CELF2: variants seen among roughly 807,000 people sequenced by gnomAD.
CELF2 encodes CUGBP Elav-like family member 2.
A neutral mutation model predicts 62.6 loss-of-function variants in CELF2; 8 were observed. The observed-to-expected ratio is 0.13, with a 90% CI of 0.07 to 0.23. The LOEUF (loss-of-function observed/expected upper bound fraction) is 0.23, where lower values mean the gene tolerates loss of function less well. Among genes scored for constraint, CELF2 ranks in the 10% least tolerant of loss-of-function variants. The probability of loss-of-function intolerance (pLI) is 1.00; values close to 1 mark genes in which losing one functional copy is unlikely to be tolerated. For missense variants in CELF2, 333 were observed against 671.0 expected (o/e 0.50, Z 5.56); for synonymous variants, 258 against 250.0 (o/e 1.03, Z -0.30).
chr10:10,557,387 A>G, the CELF2 span, among the ~76,000 whole-genome samples: 1 of 150,568 alleles, frequency 6.6e-6, no homozygotes, highest in South Asian at 2.1e-4. Flanking sequence ...TGTTCCATTG[A>G]TCTATATCTC....
intron 1 of CELF2, among the ~76,000 whole-genome samples, chr10:10,841,227 A>G (rs969356365): frequency 2.0e-5 from 3 of 152,092 alleles, no homozygotes; most frequent in African/African-American, 4.8e-5. Flanking sequence ...TGCTGGGTCA[A>G]ATGGTATTTC....
chr10:10,710,585 C>G, the CELF2 span, among the ~76,000 whole-genome samples: 1 of 152,084 alleles, frequency 6.6e-6, no homozygotes. Context: ...AATCAATTGC[C>G]CTGGCTACCT....
chr10:11,206,240 T>G (rs1287247113), intron 2 of CELF2, among the ~76,000 whole-genome samples: 10 of 152,144 alleles, frequency 6.6e-5, no homozygotes, highest in Admixed American at 6.5e-4. Context: ...AAGTGGAGAC[T>G]TGAGAGATCG....
chr10:11,132,950 T>C (rs963451527), intron 1 of CELF2, among the ~76,000 whole-genome samples: 1 of 152,192 alleles, frequency 6.6e-6, no homozygotes, highest in East Asian at 1.9e-4. Context: ...TGGTGATCTG[T>C]ATCAGAAGCT....
intron 1 of CELF2, among the ~76,000 whole-genome samples, chr10:10,815,256 C>A (rs985462453): frequency 1.3e-5 from 2 of 152,156 alleles, no homozygotes; most frequent in Non-Finnish European, 2.9e-5. Flanking sequence ...CCTTGTACAG[C>A]AAGAGGTAGA....
At chr10:10,677,604 G>A in the CELF2 span, among the ~76,000 whole-genome samples, 22 of 152,284 alleles carry the variant, frequency 1.4e-4, no homozygotes, top group Non-Finnish European at 7.4e-5. Context: ...GTCAACACAC[G>A]TTAAGATTTG....
chr10:10,899,605 T>C (rs2062795445), intron 1 of CELF2, among the ~76,000 whole-genome samples: 2 of 152,342 alleles, frequency 1.3e-5, no homozygotes, highest in East Asian at 1.9e-4. Context: ...ACTGTACTAG[T>C]CCGTTCTCGC....
the CELF2 span, among the ~76,000 whole-genome samples, chr10:10,652,652 C>T: frequency 8.6e-5 from 13 of 151,868 alleles, no homozygotes; most frequent in Non-Finnish European, 1.3e-4. Context: ...AAATAAAATA[C>T]TTCACAGACA....
chr10:10,585,644 C>T, the CELF2 span, among the ~76,000 whole-genome samples: 14 of 152,296 alleles, frequency 9.2e-5, no homozygotes, highest in African/African-American at 3.4e-4. Context: ...TTTGATTACG[C>T]TCCCTTTGTC....
At chr10:10,922,759 C>G (rs2134770819) in intron 2 of CELF2, 1 of 152,186 alleles carries the variant, frequency 6.6e-6, no homozygotes, top group East Asian at 1.9e-4. Flanking sequence ...CATTCCCATT[C>G]TAACTGCAAT....
chr10:10,973,788 G>A (rs542412610), intron 2 of CELF2, among the ~76,000 whole-genome samples: 2 of 152,114 alleles, frequency 1.3e-5, no homozygotes, highest in East Asian at 1.9e-4. Context: ...GGCTGGTCTC[G>A]AACTTCTGCG....
chr10:11,040,111 A>C (rs1033419766), intron 1 of CELF2, among the ~76,000 whole-genome samples: 2 of 152,144 alleles, frequency 1.3e-5, no homozygotes, highest in Admixed American at 1.3e-4. Flanking sequence ...ATGATTGTTG[A>C]TAAGGGAAGG....
At chr10:11,245,634 G>C (rs2137109531) in intron 3 of CELF2, among the ~76,000 whole-genome samples, 1 of 152,348 alleles carries the variant, frequency 6.6e-6, no homozygotes, top group East Asian at 1.9e-4. Context: ...GCCTTCTGAA[G>C]AGTCTTACGG....
At chr10:10,826,529 G>T (rs919533596) in intron 1 of CELF2, among the ~76,000 whole-genome samples, 6 of 152,160 alleles carry the variant, frequency 3.9e-5, no homozygotes, top group Non-Finnish European at 5.9e-5. Flanking sequence ...CTTGTCATTT[G>T]TCTGAAACTC....
chr10:10,932,252 G>A (rs1293480479), intron 2 of CELF2, among the ~76,000 whole-genome samples: 2 of 152,166 alleles, frequency 1.3e-5, no homozygotes, highest in Non-Finnish European at 2.9e-5. Flanking sequence ...GGCTGGACAA[G>A]GTATGCGGTG....
upstream of CELF2, among the ~76,000 whole-genome samples, chr10:10,798,140 G>T (rs889110761): frequency 4.6e-5 from 7 of 152,122 alleles, no homozygotes; most frequent in Non-Finnish European, 1.0e-4. Context: ...ACACAGTAAA[G>T]TCTAGCTTGT....
chr10:11,165,228 C>T lies in CELF2; in HGVS notation c.75-258C>T, dbSNP rs2066707320. 15 of 1,318,978 alleles carry T rather than the reference C, an allele frequency of 1.1e-5. No homozygotes were observed. Among genetic ancestry groups the T allele is most frequent in the Non-Finnish European group, 8.7e-6 (9 of 1,031,426 alleles). The allele number at this position is 1,318,978 out of a possible 1,614,324, so 81.7% of individuals were successfully genotyped here. On this transcript the variant is annotated intron_variant, in intron 1 of 12. Coordinates refer to ENST00000633077, the MANE Select transcript of CELF2 (RefSeq NM_001326342.2). The surrounding 1 kb of genome is among the most constrained non-coding windows in gnomAD (Gnocchi z 7.4). ...TCCAAGATGTCCACGCCCTGGGTGACAGGCGGCAGGGCGCTGCCCCGTGCT... is the reference window on the plus strand; with the variant it reads ...TCCAAGATGTCCACGCCCTGGGTGATAGGCGGCAGGGCGCTGCCCCGTGCT...
chr10:10,627,000 T>C, the CELF2 span, among the ~76,000 whole-genome samples: 550 of 152,324 alleles, frequency 3.6e-3, 2 homozygotes, highest in Admixed American at 5.2e-3. Flanking sequence ...TTCCAAACTC[T>C]AGGTCTCTGG....
chr10:11,185,277 T>C (rs1216905400), intron 2 of CELF2, among the ~76,000 whole-genome samples: 1 of 152,130 alleles, frequency 6.6e-6, no homozygotes, highest in Non-Finnish European at 1.5e-5. Context: ...TGGGCTCAAG[T>C]GATCCTCTTG....
Sources: gnomAD v4.1 joint callset for allele counts (sites outside exome capture counted in the v4.1 genomes callset) on GRCh38, gnomAD v4.1.1 for gene constraint, Gnocchi (gnomAD v3.1) non-coding constraint, MANE v1.5 for transcripts, NCBI Gene and HGNC (gene_info 2026-07-23, HGNC 2026-07-21) for gene names.